The following SMYD3 variants were observed in gnomAD, a reference collection of about 807,000 sequenced individuals.
The protein encoded by SMYD3 is SET and MYND domain containing 3.
A neutral mutation model predicts 57.7 loss-of-function variants in SMYD3; 36 were observed. The observed-to-expected ratio is 0.62, with a 90% confidence interval of 0.48 to 0.82. SMYD3 has a LOEUF of 0.82. Among genes scored for constraint, SMYD3 ranks in the 40% least tolerant of loss-of-function variants. The probability of loss-of-function intolerance (pLI) is 0.00; values close to 1 mark genes in which losing one functional copy is unlikely to be tolerated. For synonymous variants in SMYD3, 211 were observed against 195.0 expected, an observed-to-expected ratio of 1.08 and a Z score of -0.68; for missense variants, 515 against 538.8, an observed-to-expected ratio of 0.96 and a Z score of 0.44.
intron 1 of SMYD3, among the ~76,000 whole-genome samples, chr1:246,409,170 C>G (rs977080644): frequency 1.3e-5 from 2 of 152,146 alleles, no homozygotes; most frequent in Admixed American, 6.6e-5. Flanking sequence ...TGCAGAAGCT[C>G]TTTAGTTCAA....
chr1:246,507,203 CT>C lies in SMYD3; in HGVS notation c.14del (p.Lys5ArgfsTer17). 6.6e-7 allele frequency: 1 copy of C among 1,523,146 alleles called. No homozygotes were observed. The highest frequency in any genetic ancestry group is 8.8e-7 in the Non-Finnish European group (1 of 1,134,650). 94.4% of individuals were successfully genotyped at this position (1,523,146 alleles called of 1,614,324 possible). On this transcript the variant is annotated frameshift_variant, in exon 1 of 12. Coordinates refer to ENST00000490107, the MANE Select transcript of SMYD3 (RefSeq NM_001167740.2). LOFTEE classifies it high-confidence loss of function. ...TCTTGGCGGTTGCGAACTTTTCCAC[CT>C]TCAGCGGCTCCATCCTCCCGCAGCT... Reference protein sequence around the residue: MEPLKVEKFATAKRG... With the variant: MEPLXVEKFATAKRG...
intron 5 of SMYD3, among the ~76,000 whole-genome samples, chr1:246,319,380 C>G (rs2065212105): frequency 6.6e-6 from 1 of 152,156 alleles, no homozygotes; most frequent in South Asian, 2.1e-4. Flanking sequence ...GGTGTGCCTG[C>G]TCGCTTTTAG....
chr1:246,232,124 T>A (rs565364160), intron 5 of SMYD3, among the ~76,000 whole-genome samples: 1 of 140,498 alleles, frequency 7.1e-6, no homozygotes, highest in Non-Finnish European at 1.6e-5. Flanking sequence ...ATAATTAGAA[T>A]ATTTATATTT....
chr1:245,981,620 A>G (rs928707829), intron 5 of SMYD3, among the ~76,000 whole-genome samples: 2 of 152,218 alleles, frequency 1.3e-5, no homozygotes, highest in African/African-American at 4.8e-5. Flanking sequence ...CAAGTGAAAA[A>G]AAGATTTTTA....
intron 8 of SMYD3, among the ~76,000 whole-genome samples, chr1:245,891,361 G>A (rs2053375717): frequency 6.6e-6 from 1 of 152,144 alleles, no homozygotes; most frequent in Non-Finnish European, 1.5e-5. Context: ...CGCCTACTCT[G>A]TAGCCATAAA....
chr1:246,443,977 C>G (rs528266909), intron 1 of SMYD3, among the ~76,000 whole-genome samples: 3 of 152,264 alleles, frequency 2.0e-5, no homozygotes, highest in South Asian at 2.1e-4. Flanking sequence ...CCCATCACCA[C>G]CACAGACAGA....
chr1:246,247,640 C>G (rs1430159952), intron 5 of SMYD3, among the ~76,000 whole-genome samples: 3 of 151,882 alleles, frequency 2.0e-5, no homozygotes, highest in Non-Finnish European at 4.4e-5. Context: ...AGGCTAGCTG[C>G]GGCTCCTGAG....
At chr1:246,406,756 G>A (rs548291340) in intron 1 of SMYD3, among the ~76,000 whole-genome samples, 1 of 152,324 alleles carries the variant, frequency 6.6e-6, no homozygotes, top group East Asian at 1.9e-4. Context: ...AAGTGACAGT[G>A]TCACTGGCTC....
intron 5 of SMYD3, among the ~76,000 whole-genome samples, chr1:246,282,141 G>T (rs1304130099): frequency 6.6e-6 from 1 of 151,736 alleles, no homozygotes; most frequent in Non-Finnish European, 1.5e-5. Context: ...AAAGACAGAA[G>T]ATCATAAAAA....
At chr1:245,928,970 A>T (rs1572715759) in intron 6 of SMYD3, among the ~76,000 whole-genome samples, 1 of 152,316 alleles carries the variant, frequency 6.6e-6, no homozygotes, top group East Asian at 1.9e-4. Context: ...TAATAATTAG[A>T]ATGAGCACTT....
At chr1:246,171,241 T>C (rs371284304) in intron 5 of SMYD3, among the ~76,000 whole-genome samples, 11 of 152,234 alleles carry the variant, frequency 7.2e-5, no homozygotes, top group African/African-American at 2.7e-4. Context: ...ATTTCTTTTA[T>C]AAAAGATATC....
At chr1:245,937,110 T>G (rs2057018319) in intron 5 of SMYD3, among the ~76,000 whole-genome samples, 1 of 152,202 alleles carries the variant, frequency 6.6e-6, no homozygotes, top group Non-Finnish European at 1.5e-5. Context: ...TACATCCAAC[T>G]GTTTTCACAA....
At chr1:246,245,062 T>G (rs2063677333) in intron 5 of SMYD3, among the ~76,000 whole-genome samples, 1 of 149,740 alleles carries the variant, frequency 6.7e-6, no homozygotes, top group South Asian at 2.1e-4. Flanking sequence ...CCACTACGGC[T>G]AAATAGACCA....
Position 246,473,599 on chromosome 1 carries a change from C to T in SMYD3, c.164+33455G>A, listed in dbSNP as rs149521344. Among the ~76,000 whole-genome samples the T allele has an allele frequency of 2.0e-3, 309 of 152,248 alleles. 3 individuals are homozygous for T. The highest frequency in any genetic ancestry group is 7.2e-3 in the African/African-American group (297 of 41,530). ...AACACTTTTTAATGTGCTAAAATTG[C>T]CCCCCACCACCATAGCAGACAGACA... On this transcript the variant is annotated intron_variant, in intron 1 of 11. Transcript: ENST00000490107.
At chr1:245,989,062 C>T (rs2058761546) in intron 5 of SMYD3, among the ~76,000 whole-genome samples, 1 of 152,182 alleles carries the variant, frequency 6.6e-6, no homozygotes, top group African/African-American at 2.4e-5. Context: ...ATCCAGAATC[C>T]CCTGGCTGGG....
At chr1:245,928,163 G>A (rs2275317) in intron 6 of SMYD3, 130 bp from the exon 7 acceptor site, 80,324 of 577,234 alleles carry the variant, frequency 0.14, 8,650 homozygotes, top group East Asian at 0.54. Context: ...GATGCCAGGG[G>A]TTCAGTACTC....
intron 5 of SMYD3, among the ~76,000 whole-genome samples, chr1:246,005,636 G>T (rs1015530121): frequency 3.3e-5 from 5 of 152,192 alleles, no homozygotes; most frequent in African/African-American, 4.8e-5. Flanking sequence ...AGTCATATGG[G>T]CATAGTTTAA....
At chr1:246,344,490 T>C (rs1409950772) in intron 2 of SMYD3, among the ~76,000 whole-genome samples, 1 of 152,242 alleles carries the variant, frequency 6.6e-6, no homozygotes, top group East Asian at 1.9e-4. Flanking sequence ...TTCATTTACC[T>C]GTGGATGAAT....
intron 1 of SMYD3, among the ~76,000 whole-genome samples, chr1:246,445,296 C>T (rs1478581593): frequency 6.6e-6 from 1 of 152,124 alleles, no homozygotes; most frequent in African/African-American, 2.4e-5. Context: ...TAAATCACTG[C>T]CCATTTTTGC....
Sources: gnomAD v4.1 joint callset for allele counts (sites outside exome capture counted in the v4.1 genomes callset) on GRCh38, gnomAD v4.1.1 for gene constraint, MANE v1.5 for transcripts, NCBI Gene and HGNC (gene_info 2026-07-23, HGNC 2026-07-21) for gene names.